The following TENM4 variants were observed in gnomAD, a reference collection of about 807,000 sequenced individuals.
TENM4 encodes teneurin-4.
A neutral mutation model predicts 243.3 loss-of-function variants in TENM4; 82 were observed. That is an observed-to-expected ratio of 0.34 (90% CI 0.28 to 0.40). The LOEUF (loss-of-function observed/expected upper bound fraction) is 0.40, where lower values mean the gene tolerates loss of function less well. Among genes scored for constraint, TENM4 ranks in the 10% least tolerant of loss-of-function variants. The probability of loss-of-function intolerance (pLI) is 1.00; values close to 1 mark genes in which losing one functional copy is unlikely to be tolerated. For missense variants in TENM4, 3,138 were observed against 3,673.3 expected, an observed-to-expected ratio of 0.85 and a Z score of 3.77; for synonymous variants, 1,412 against 1,456.3, an observed-to-expected ratio of 0.97 and a Z score of 0.69.
intron 1 of TENM4, among the ~76,000 whole-genome samples, chr11:79,303,698 C>T (rs1856583775): frequency 6.6e-6 from 1 of 152,128 alleles, no homozygotes; most frequent in Admixed American, 6.5e-5. Context: ...GGTTTGGCTC[C>T]AAAAGTCATG....
At chr11:78,714,895 C>T (rs1011961398) in intron 25 of TENM4, among the ~76,000 whole-genome samples, 3 of 152,158 alleles carry the variant, frequency 2.0e-5, no homozygotes, top group African/African-American at 2.4e-5. Flanking sequence ...CATTGCTGGA[C>T]GATAGGACAT....
intron 25 of TENM4, among the ~76,000 whole-genome samples, chr11:78,715,171 T>A (rs1859493933): frequency 6.6e-6 from 1 of 152,174 alleles, no homozygotes; most frequent in African/African-American, 2.4e-5. Flanking sequence ...TTTTGAAATG[T>A]CCCCTGAGAC....
chr11:78,804,814 GA>G (rs1411777458), intron 15 of TENM4, among the ~76,000 whole-genome samples: 1 of 152,202 alleles, frequency 6.6e-6, no homozygotes, highest in African/African-American at 2.4e-5. Context: ...CATTTGGCTA[GA>G]AGGGCAGGTG....
chr11:78,975,598 CCA>C (rs148902494), intron 6 of TENM4, among the ~76,000 whole-genome samples: 31 of 148,210 alleles, frequency 2.1e-4, no homozygotes, highest in South Asian at 8.7e-4. Flanking sequence ...ATACACACAC[CCA>C]CACACACACA....
chr11:79,387,382 T>G (rs1057324099), intron 1 of TENM4, among the ~76,000 whole-genome samples: 3 of 152,230 alleles, frequency 2.0e-5, no homozygotes, highest in African/African-American at 7.2e-5. Flanking sequence ...GCAGTTTTCT[T>G]TATGCTATAT....
intron 3 of TENM4, among the ~76,000 whole-genome samples, chr11:79,190,829 TTCTCCC>T (rs1863466872): frequency 3.2e-5 from 1 of 31,002 alleles, no homozygotes; most frequent in Non-Finnish European, 5.4e-5. Flanking sequence ...TCCCTCTCCC[TTCTCCC>T]TCTCCCTCTC....
intron 1 of TENM4, among the ~76,000 whole-genome samples, chr11:79,378,884 T>TAAAAA (rs34204961): frequency 8.6e-6 from 1 of 116,914 alleles, no homozygotes; most frequent in African/African-American, 3.2e-5. Context: ...CCCTGTCTGT[T>TAAAAA]AAAAAAAAAA....
chr11:79,101,089 G>A (rs974511614), intron 4 of TENM4, among the ~76,000 whole-genome samples: 1 of 152,208 alleles, frequency 6.6e-6, no homozygotes, highest in Admixed American at 6.5e-5. Flanking sequence ...GGGAAGAGGG[G>A]AGGGTATTGG....
chr11:78,919,539 A>G (rs1388664370), intron 6 of TENM4, among the ~76,000 whole-genome samples: 1 of 152,114 alleles, frequency 6.6e-6, no homozygotes, highest in African/African-American at 2.4e-5. Flanking sequence ...AAAAAGTGGC[A>G]CTGTTTTTTT....
intron 27 of TENM4, among the ~76,000 whole-genome samples, chr11:78,703,776 C>T (rs1859163359): frequency 6.6e-6 from 1 of 151,930 alleles, no homozygotes; most frequent in Admixed American, 6.5e-5. Flanking sequence ...ACTTCCTGAG[C>T]CCCCTACAAA....
chr11:79,177,902 C>T (rs1048907101), intron 3 of TENM4, among the ~76,000 whole-genome samples: 2 of 152,108 alleles, frequency 1.3e-5, no homozygotes, highest in Non-Finnish European at 2.9e-5. Context: ...TTTAGCTTTT[C>T]CTCTGAGATG....
At chr11:78,664,073 C>T (rs1276125339) in intron 32 of TENM4, among the ~76,000 whole-genome samples, 4 of 152,134 alleles carry the variant, frequency 2.6e-5, no homozygotes, top group South Asian at 2.1e-4. Context: ...TTCTGGCTCC[C>T]CAACTTACAA....
chr11:78,701,947 C>T lies in TENM4; in HGVS notation c.4666G>A (p.Gly1556Arg). 6.2e-7 allele frequency: 1 copy of T among 1,613,992 alleles called. No homozygotes were observed. Among genetic ancestry groups the T allele is most frequent in the Non-Finnish European group, 8.5e-7 (1 of 1,179,896 alleles). ...ADGELYVADL[G>R]NIRIRFIRKN... is the part of the protein sequence containing the mutation. ...CGGATAAACCGAATTCGGATGTTCC[C>T]AAGGTCGGCCACGTAGAGCTCCCCA... The change falls in exon 28 of 34, where the codon GGG (glycine) becomes AGG (arginine). Residue 1556 changes from glycine (G) to arginine (R), a missense_variant. Transcript: ENST00000278550.
At chr11:78,712,001 C>T (rs1174699826) in intron 26 of TENM4, among the ~76,000 whole-genome samples, 2 of 152,168 alleles carry the variant, frequency 1.3e-5, no homozygotes, top group African/African-American at 4.8e-5. Context: ...AGAATTGAGA[C>T]CTACAGTTAA....
chr11:79,088,589 T>A (rs905953877), intron 4 of TENM4, among the ~76,000 whole-genome samples: 1 of 152,192 alleles, frequency 6.6e-6, no homozygotes, highest in African/African-American at 2.4e-5. Context: ...TTGGGGGGAC[T>A]GAGTGAGTTA....
At chr11:78,974,721 T>C (rs1857612664) in intron 6 of TENM4, among the ~76,000 whole-genome samples, 1 of 137,288 alleles carries the variant, frequency 7.3e-6, no homozygotes, top group African/African-American at 2.8e-5. Flanking sequence ...TTCTTTTCTT[T>C]TCTTTTTTTT....
At chr11:78,762,343 G>A (rs1394392393) in intron 18 of TENM4, among the ~76,000 whole-genome samples, 2 of 152,152 alleles carry the variant, frequency 1.3e-5, no homozygotes, top group African/African-American at 2.4e-5. Flanking sequence ...CTCCCTACAC[G>A]CACATTACAT....
At chr11:78,956,549 GCTTCCTGGTCAGCAACTTGTAC>G (rs1857209954) in intron 6 of TENM4, among the ~76,000 whole-genome samples, 1 of 152,318 alleles carries the variant, frequency 6.6e-6, no homozygotes, top group Non-Finnish European at 1.5e-5. Context: ...CATCTATGGA[GCTTCCTGGTCAGCAACTTGTAC>G]CTGTATCATG....
At chr11:78,695,977 T>A (rs889947165) in intron 28 of TENM4, among the ~76,000 whole-genome samples, 3 of 152,026 alleles carry the variant, frequency 2.0e-5, no homozygotes, top group Admixed American at 1.3e-4. Flanking sequence ...ATATTTCTTC[T>A]GCCCTATTTT....
Sources: allele counts gnomAD v4.1 joint callset (sites outside exome capture counted in the v4.1 genomes callset), GRCh38; gene constraint gnomAD v4.1.1; transcripts MANE v1.5; gene names NCBI Gene and HGNC (gene_info 2026-07-23, HGNC 2026-07-21).